The following TSHZ2 variants were observed in gnomAD, a reference collection of about 807,000 sequenced individuals.
TSHZ2 encodes the protein teashirt zinc finger homeobox 2.
TSHZ2 carries 21 observed loss-of-function variants against 74.4 expected under a neutral mutation model. The ratio of observed to expected loss-of-function variants is 0.28; its 90% CI spans 0.20 to 0.41. The LOEUF is 0.41. Among genes scored for constraint, TSHZ2 ranks in the 10% least tolerant of loss-of-function variants. TSHZ2 has a pLI of 1.00. For synonymous variants in TSHZ2, 540 were observed against 515.3 expected, an observed-to-expected ratio of 1.05 and a Z score of -0.65; for missense variants, 1,244 against 1,293.5, an observed-to-expected ratio of 0.96 and a Z score of 0.59.
intron 2 of TSHZ2, among the ~76,000 whole-genome samples, chr20:53,257,761 G>GT (rs1990513583): frequency 6.6e-6 from 1 of 152,206 alleles, no homozygotes; most frequent in South Asian, 2.1e-4. Context: ...GACCAATCCA[G>GT]TTGACGTCAT....
At chr20:52,986,414 A>AG (rs1981762213) in intron 1 of TSHZ2, among the ~76,000 whole-genome samples, 1 of 148,496 alleles carries the variant, frequency 6.7e-6, no homozygotes. Flanking sequence ...AAAAAAAAAA[A>AG]AAAAGAAAGA....
chr20:53,484,111 A>C (rs914597956), intron 2 of TSHZ2, among the ~76,000 whole-genome samples: 9 of 152,020 alleles, frequency 5.9e-5, no homozygotes, highest in African/African-American at 2.2e-4. Context: ...CCACATGATC[A>C]CCCTCCTTTA....
intron 2 of TSHZ2, among the ~76,000 whole-genome samples, chr20:53,383,719 C>A (rs1349510968): frequency 1.3e-5 from 2 of 152,230 alleles, no homozygotes; most frequent in Non-Finnish European, 2.9e-5. Context: ...TCAGATTGCA[C>A]CATTGCACTC....
intron 1 of TSHZ2, among the ~76,000 whole-genome samples, chr20:53,143,134 A>G (rs1197536315): frequency 2.0e-5 from 3 of 152,218 alleles, no homozygotes; most frequent in African/African-American, 7.2e-5. Flanking sequence ...AAACACATCT[A>G]TTTAAGCTAG....
intron 1 of TSHZ2, among the ~76,000 whole-genome samples, chr20:53,162,104 C>T (rs1273070964): frequency 6.6e-6 from 1 of 152,104 alleles, no homozygotes; most frequent in Non-Finnish European, 1.5e-5. Context: ...TTTTTATTGC[C>T]ATTGTTTATG....
intron 1 of TSHZ2, among the ~76,000 whole-genome samples, chr20:53,141,213 A>T (rs2123415048): frequency 6.6e-6 from 1 of 152,276 alleles, no homozygotes; most frequent in Non-Finnish European, 1.5e-5. Flanking sequence ...AGACAGCAAA[A>T]TGAGCTCCAA....
At chr20:53,334,056 C>T (rs1435957779) in intron 2 of TSHZ2, among the ~76,000 whole-genome samples, 1 of 152,224 alleles carries the variant, frequency 6.6e-6, no homozygotes, top group East Asian at 1.9e-4. Flanking sequence ...ATCAGAACAT[C>T]TGTTCATCCT....
chr20:53,338,006 C>A (rs925878201), intron 2 of TSHZ2, among the ~76,000 whole-genome samples: 1 of 152,166 alleles, frequency 6.6e-6, no homozygotes, highest in African/African-American at 2.4e-5. Flanking sequence ...CAGCATGAGA[C>A]GTGTTCATGA....
At chr20:53,305,333 A>G (rs1319335861) in intron 2 of TSHZ2, among the ~76,000 whole-genome samples, 1 of 152,182 alleles carries the variant, frequency 6.6e-6, no homozygotes, top group Non-Finnish European at 1.5e-5. Context: ...GGATGGAGCT[A>G]CATTTATTAT....
chr20:53,005,654 G>A (rs1313553588), intron 1 of TSHZ2, among the ~76,000 whole-genome samples: 2 of 152,160 alleles, frequency 1.3e-5, no homozygotes, highest in Admixed American at 1.3e-4. Context: ...CCCTGGAGAG[G>A]TACTCGGTGT....
chr20:53,176,491 A>T (rs1988339602), intron 1 of TSHZ2, among the ~76,000 whole-genome samples: 2 of 152,084 alleles, frequency 1.3e-5, no homozygotes, highest in South Asian at 4.1e-4. Flanking sequence ...TGAAAAACCA[A>T]GGGGACGTGA....
intron 2 of TSHZ2, among the ~76,000 whole-genome samples, chr20:53,284,005 G>A (rs1292032547): frequency 6.6e-6 from 1 of 152,214 alleles, no homozygotes; most frequent in Non-Finnish European, 1.5e-5. Flanking sequence ...GAAAGAAGGT[G>A]GCAGAAGGAA....
At chr20:53,007,677 ATG>A (rs1982694111) in intron 1 of TSHZ2, among the ~76,000 whole-genome samples, 1 of 150,266 alleles carries the variant, frequency 6.7e-6, no homozygotes, top group Admixed American at 6.6e-5. Flanking sequence ...GCGTGTATGT[ATG>A]TATATGCGTG....
chr20:53,377,448 G>A (rs984306881), intron 2 of TSHZ2, among the ~76,000 whole-genome samples: 3 of 152,234 alleles, frequency 2.0e-5, no homozygotes, highest in Middle Eastern at 3.4e-3. Flanking sequence ...AGAATCTATC[G>A]ACTATCAGAT....
intron 2 of TSHZ2, among the ~76,000 whole-genome samples, chr20:53,303,410 A>G (rs1381380415): frequency 6.6e-6 from 1 of 152,210 alleles, no homozygotes; most frequent in Non-Finnish European, 1.5e-5. Context: ...ACACATTGAG[A>G]TATTCCATAT....
intron 2 of TSHZ2, among the ~76,000 whole-genome samples, chr20:53,462,111 G>A (rs1193951286): frequency 1.3e-5 from 2 of 152,020 alleles, no homozygotes; most frequent in Non-Finnish European, 2.9e-5. Context: ...AAAACTAGCA[G>A]GGCATGGTGG....
intron 1 of TSHZ2, among the ~76,000 whole-genome samples, chr20:53,123,017 G>A (rs1473604262): frequency 5.3e-5 from 8 of 152,124 alleles, no homozygotes; most frequent in African/African-American, 1.9e-4. Flanking sequence ...CCTGACATAA[G>A]AAGCACCACC....
intron 2 of TSHZ2, among the ~76,000 whole-genome samples, chr20:53,468,689 A>C (rs911927177): frequency 1.9e-5 from 1 of 52,212 alleles, no homozygotes; most frequent in South Asian, 4.8e-4. Flanking sequence ...ATTACGAGAC[A>C]AAAAAAAAAA....
intron 2 of TSHZ2, among the ~76,000 whole-genome samples, chr20:53,274,809 ATCTC>A (rs201577531): frequency 0.012 from 1,825 of 152,058 alleles, 18 homozygotes; most frequent in Non-Finnish European, 0.02. Context: ...CTTTTTCTCT[ATCTC>A]TATCACTGTC....
Sources: gnomAD v4.1 joint callset for allele counts (sites outside exome capture counted in the v4.1 genomes callset) on GRCh38, gnomAD v4.1.1 for gene constraint, MANE v1.5 for transcripts, NCBI Gene and HGNC (gene_info 2026-07-23, HGNC 2026-07-21) for gene names.